GPX4: variants seen among roughly 807,000 people sequenced by gnomAD.
The protein encoded by GPX4 is glutathione peroxidase 4.
In GPX4, 28 loss-of-function variants were observed where a neutral mutation model predicts 27.8. The ratio of observed to expected loss-of-function variants is 1.01; its 90% CI spans 0.75 to 1.38. The LOEUF (loss-of-function observed/expected upper bound fraction) is 1.38, where lower values mean the gene tolerates loss of function less well. Among genes scored for constraint, GPX4 ranks in the 40% most tolerant of loss-of-function variants. The pLI is 0.00. For synonymous variants in GPX4, 163 were observed against 107.8 expected, an observed-to-expected ratio of 1.51 and a Z score of -3.17; for missense variants, 357 against 274.1, an observed-to-expected ratio of 1.30 and a Z score of -2.14.
Position 1,104,892 on chromosome 19 carries a change from G to T in GPX4, c.85-294G>T. The T allele has an allele frequency of 7.5e-7, 1 of 1,335,324 alleles. No individual in the cohort carries two copies. Among genetic ancestry groups the T allele is most frequent in the South Asian group, 1.7e-5 (1 of 57,450 alleles). 82.7% of individuals were successfully genotyped at this position (1,335,324 alleles called of 1,614,324 possible). A position where few individuals can be genotyped will look rare whatever the true frequency, so the allele number is the denominator to read the frequency against. ...AAGAAGCCCTGTCCCCGCAGCTTGCGACCGGAGATCCACGAATGTCCCAAG... is the reference window on the plus strand; with the variant it reads ...AAGAAGCCCTGTCCCCGCAGCTTGCTACCGGAGATCCACGAATGTCCCAAG... On this transcript the variant is annotated intron_variant, in intron 1 of 6. Coordinates refer to ENST00000354171, the MANE Select transcript of GPX4 (RefSeq NM_002085.5).
At chr19:1,106,482 G>A (rs137892570) in intron 6 of GPX4, 23 bp downstream of exon 6, 107 of 1,611,826 alleles carry the variant, frequency 6.6e-5, no homozygotes, top group South Asian at 4.8e-4. Context: ...TAGGGAGCCC[G>A]CTTGAGGCTC....
intron 4 of GPX4, 105 bp downstream of exon 4, chr19:1,105,914 T>C: frequency 2.3e-6 from 3 of 1,312,598 alleles, no homozygotes; most frequent in Middle Eastern, 2.7e-4. Flanking sequence ...CGGGGGGCGG[T>C]TGCGGGGAGG....
rs544230793 is a variant in GPX4 at position 1,104,088 on chromosome 19, C to T, written c.45C>T (p.Leu15=). The T allele has an allele frequency of 1.3e-4, 199 of 1,513,058 alleles. 1 individual carries two copies. In the East Asian group the frequency reaches 2.7e-3, roughly 21 times the overall value. 93.7% of individuals were successfully genotyped at this position (1,513,058 alleles called of 1,614,324 possible). Residue 15 remains leucine (L), a synonymous_variant, in exon 1 of 7, where the codon CTC becomes CTT. Coordinates refer to ENST00000354171, the MANE Select transcript of GPX4 (RefSeq NM_002085.5). ...GCCGCCTACTGAAGCCGGCGCTGCT[C>T]TGTGGGGCTCTGGCCGCGCCTGGCC... is the stretch of plus-strand genomic sequence containing the variant. ...RLCRLLKPAL[L]CGALAAPGLA...
Position 1,104,065 on chromosome 19 carries a change from C to T in GPX4, c.22C>T (p.Arg8Cys), listed in dbSNP as rs747381755. The T allele has an allele frequency of 7.2e-6, 11 of 1,519,472 alleles. No individual in the cohort carries two copies. Among genetic ancestry groups the T allele is most frequent in the Non-Finnish European group, 8.8e-6 (10 of 1,140,076 alleles). 94.1% of individuals were successfully genotyped at this position (1,519,472 alleles called of 1,614,324 possible). The change falls in exon 1 of 7, where the codon CGC becomes TGC. Residue 8 changes from arginine to cysteine, a missense_variant. Physicochemically the swap from Arg to Cys is radical, Grantham distance 180. Coordinates refer to ENST00000354171, the MANE Select transcript of GPX4 (RefSeq NM_002085.5). Reference protein sequence around the residue: MSLGRLCRLLKPALLCGA... With the variant: MSLGRLCCLLKPALLCGA... ...CGCGATGAGCCTCGGCCGCCTTTGCCGCCTACTGAAGCCGGCGCTGCTCTG... is the reference window on the plus strand; with the variant it reads ...CGCGATGAGCCTCGGCCGCCTTTGCTGCCTACTGAAGCCGGCGCTGCTCTG...
intron 1 of GPX4, 172 bp downstream of exon 1, chr19:1,104,299 G>T (rs1256359309): frequency 3.4e-6 from 2 of 594,376 alleles, no homozygotes; most frequent in South Asian, 6.0e-5. Flanking sequence ...TGACCGTACT[G>T]CGACGCGCTC....
chr19:1,106,483 C>G, intron 6 of GPX4, 24 bp downstream of exon 6: 1 of 1,611,120 alleles, frequency 6.2e-7, no homozygotes, highest in Non-Finnish European at 8.5e-7. Flanking sequence ...AGGGAGCCCG[C>G]TTGAGGCTCG....
chr19:1,105,611 G>A, intron 3 of GPX4, 47 bp from the exon 4 acceptor site: 1 of 1,600,450 alleles, frequency 6.2e-7, no homozygotes, highest in Non-Finnish European at 8.5e-7. Context: ...GGCCCGGACT[G>A]AGGGGGTGCC....
At chr19:1,104,751 C>G in intron 1 of GPX4, 1 of 986,082 alleles carries the variant, frequency 1.0e-6, no homozygotes. Flanking sequence ...CGCGCGGGCG[C>G]AGGCTCCCCC....
chr19:1,104,019 G>C lies in GPX4; in HGVS notation c.-25G>C, dbSNP rs2079618982. On this transcript the variant is annotated 5_prime_UTR_variant, in exon 1 of 7. Transcript: ENST00000354171. ...ATTGGTCGGCTGGACGAGGGGAGGA[G>C]CCGCTGGCTCCCAGCCCCGCCGCGA... 2 of 1,514,184 alleles carry C rather than the reference G, an allele frequency of 1.3e-6. No individual in the cohort carries two copies. Among genetic ancestry groups the C allele is most frequent in the Non-Finnish European group, 1.8e-6 (2 of 1,137,246 alleles). The allele number at this position is 1,514,184 out of a possible 1,614,324, so 93.8% of individuals were successfully genotyped here. A position where few individuals can be genotyped will look rare whatever the true frequency, so the allele number is the denominator to read the frequency against.
At chr19:1,105,336 C>G (rs2145166777) in intron 2 of GPX4, 30 bp from the exon 3 acceptor site, 1 of 1,612,144 alleles carries the variant, frequency 6.2e-7, no homozygotes, top group Non-Finnish European at 8.5e-7. Flanking sequence ...GGGCCGTGTT[C>G]TTCTGCGCTG....
rs1281050227 is a variant in GPX4, at chr19:1,106,768, C to A, written c.*196C>A. ...CCCCTGGCTACCTTGTGGGAATAAA[C>A]AGACAAATTAGCCTGCTGGATCTTT... On this transcript the variant is annotated 3_prime_UTR_variant, in exon 7 of 7. Coordinates refer to ENST00000354171, the MANE Select transcript of GPX4 (RefSeq NM_002085.5). The A allele has an allele frequency of 3.0e-6, 2 of 661,530 alleles. No homozygotes were observed. Among genetic ancestry groups the A allele is most frequent in the African/African-American group, 1.8e-5 (1 of 54,850 alleles). 41.0% of individuals were successfully genotyped at this position (661,530 alleles called of 1,614,324 possible). A position where few individuals can be genotyped will look rare whatever the true frequency, so the allele number is the denominator to read the frequency against.
Position 1,106,684 on chromosome 19 carries a change from A to G in GPX4, c.*112A>G. 4 of 1,432,488 alleles carry G rather than the reference A, an allele frequency of 2.8e-6. No homozygotes were observed. The South Asian group carries it at 4.9e-5, about 17-fold the overall frequency. 88.7% of individuals were successfully genotyped at this position (1,432,488 alleles called of 1,614,324 possible). ...GCTGGTGGGGCAGACCCGAAAATCCAGCGTGCACCCCGCCGGAGGAAGGTC... is the reference window on the plus strand; with the variant it reads ...GCTGGTGGGGCAGACCCGAAAATCCGGCGTGCACCCCGCCGGAGGAAGGTC... On this transcript the variant is annotated 3_prime_UTR_variant, in exon 7 of 7. Coordinates refer to ENST00000354171, the MANE Select transcript of GPX4 (RefSeq NM_002085.5).
chr19:1,104,871 A>G, intron 1 of GPX4: 1 of 1,236,092 alleles, frequency 8.1e-7, no homozygotes, highest in Non-Finnish European at 1.0e-6. Flanking sequence ...CGGCGGAAGA[A>G]GCCCTGTCCC....
rs1042863 is a variant in GPX4 at position 1,105,699 on chromosome 19, C to T, written c.366C>T (p.Gly122=). 20 of 1,612,172 alleles carry T rather than the reference C, an allele frequency of 1.2e-5. No individual in the cohort carries two copies. In the South Asian group the frequency reaches 1.4e-4, roughly 12 times the overall value. The change falls in exon 4 of 7, where the codon GGC becomes GGT. Residue 122 remains glycine, a synonymous_variant. Coordinates refer to ENST00000354171, the MANE Select transcript of GPX4 (RefSeq NM_002085.5). ...AAGAGATCAAAGAGTTCGCCGCGGG[C>T]TACAACGTCAAATTCGATATGTTCA... ...SNEEIKEFAA[G]YNVKFDMFSK...
intron 1 of GPX4, chr19:1,104,815 T>C (rs1555716029): frequency 2.0e-6 from 2 of 1,012,604 alleles, no homozygotes; most frequent in Non-Finnish European, 2.4e-6. Flanking sequence ...CGCGAGCCCC[T>C]CGGCGGCGGA....
Position 1,106,751 on chromosome 19 carries a change from TA to T in GPX4, c.*180del. ...TTGGCTCGGCGCCCCCACCCCTGGCTACCTTGTGGGAATAAACAGACAAATT... is the reference window on the plus strand; with the variant it reads ...TTGGCTCGGCGCCCCCACCCCTGGCTCCTTGTGGGAATAAACAGACAAATT... On this transcript the variant is annotated 3_prime_UTR_variant, in exon 7 of 7. Coordinates refer to ENST00000354171, the MANE Select transcript of GPX4 (RefSeq NM_002085.5). 1 of 716,540 alleles carries T rather than the reference TA, an allele frequency of 1.4e-6. No homozygotes were observed. The highest frequency in any genetic ancestry group is 2.7e-5 in the East Asian group (1 of 36,700). The allele number at this position is 716,540 out of a possible 1,614,324, so 44.4% of individuals were successfully genotyped here.
Position 1,106,146 on chromosome 19 carries a change from G to C in GPX4, c.477-96G>C, listed in dbSNP as rs1025329295. 4 of 1,205,268 alleles carry C rather than the reference G, an allele frequency of 3.3e-6. No individual in the cohort carries two copies. The African/African-American group carries it at 6.1e-5, about 18-fold the overall frequency. 74.7% of individuals were successfully genotyped at this position (1,205,268 alleles called of 1,614,324 possible). On this transcript the variant is annotated intron_variant, in intron 4 of 6. Transcript: ENST00000354171. ...GGCACTGTGGCTGTGGAGGCAGCCG[G>C]GGAAGCTCACACCCTTGTGGCCTCC...
In GPX4 at chr19:1,104,098, C is replaced by T; in HGVS notation, c.55C>T (p.Leu19=). 2.0e-6 allele frequency: 3 copies of T among 1,506,428 alleles called. No individual in the cohort carries two copies. The African/African-American group carries it at 4.3e-5, about 22-fold the overall frequency. The allele number at this position is 1,506,428 out of a possible 1,614,324, so 93.3% of individuals were successfully genotyped here. Residue 19 remains leucine (L), a synonymous_variant, in exon 1 of 7, where the codon CTG becomes TTG. Coordinates refer to ENST00000354171, the MANE Select transcript of GPX4 (RefSeq NM_002085.5). The part of the protein sequence containing the change: ...LLKPALLCGA[L]AAPGLAGTMC... ...GAAGCCGGCGCTGCTCTGTGGGGCT[C>T]TGGCCGCGCCTGGCCTGGCCGGGAC...
In GPX4 at chr19:1,105,901, G is replaced by C. The variant is rs1468317228; in HGVS notation, c.476+92G>C. 8 of 1,422,860 alleles carry C rather than the reference G, an allele frequency of 5.6e-6. No individual in the cohort carries two copies. The East Asian group carries it at 1.8e-4, about 32-fold the overall frequency. The allele number at this position is 1,422,860 out of a possible 1,614,324, so 88.1% of individuals were successfully genotyped here. ...CCTCCCTGGGGCAGAATGGCTCATGGCTCGGGGGGCGGTTGCGGGGAGGTG... is the reference window on the plus strand; with the variant it reads ...CCTCCCTGGGGCAGAATGGCTCATGCCTCGGGGGGCGGTTGCGGGGAGGTG... On this transcript the variant is annotated intron_variant, in intron 4 of 6. Coordinates refer to ENST00000354171, the MANE Select transcript of GPX4 (RefSeq NM_002085.5).
Sources: gnomAD v4.1 joint callset for allele counts on GRCh38, gnomAD v4.1.1 for gene constraint, MANE v1.5 for transcripts, NCBI Gene and HGNC (gene_info 2026-07-23, HGNC 2026-07-21) for gene names.